UNC13A: variants seen among roughly 807,000 people sequenced by gnomAD.
UNC13A encodes unc-13 homolog A.
Under a neutral mutation model 219.7 loss-of-function variants are expected in UNC13A, and 61 were observed. That is an observed-to-expected ratio of 0.28 (90% CI 0.23 to 0.34). The LOEUF is 0.34. Ranked by LOEUF, UNC13A falls within the 10% of genes least tolerant of loss-of-function variation. The pLI, the probability that UNC13A is intolerant of heterozygous loss-of-function variation, is 1.00. For synonymous variants in UNC13A, 920 were observed against 884.6 expected, an observed-to-expected ratio of 1.04 and a Z score of -0.71; for missense variants, 1,476 against 2,270.3, an observed-to-expected ratio of 0.65 and a Z score of 7.11.
rs771628081 is a variant in UNC13A, at chr19:17,672,512, G to A, written c.153-17C>T. ...TTAATCTCGCTGCAGAAAAAGGAGA[G>A]GGGGCGTCGAGGGAGCAGGAGGGAG... is the stretch of plus-strand genomic sequence containing the variant. On this transcript the variant is annotated splice_polypyrimidine_tract_variant and intron_variant, in intron 3 of 43. Transcript: ENST00000519716. 11 of 1,609,894 alleles carry A rather than the reference G, an allele frequency of 6.8e-6. No homozygotes were observed. The highest frequency in any genetic ancestry group is 2.2e-5 in the East Asian group (1 of 44,860).
rs534844677 is a variant in UNC13A, at chr19:17,620,036, T to C, written c.4272+657A>G. Among the ~76,000 whole-genome samples, 6 of 152,338 alleles carry C rather than the reference T, an allele frequency of 3.9e-5. 1 individual carries two copies. In the East Asian group the frequency reaches 1.2e-3, roughly 29 times the overall value. ...TTGGTCTCAAAGTCACGGGCAATGC[T>C]AAGGGAGACGGGGTCCCAGCCTGGA... On this transcript the variant is annotated intron_variant, in intron 38 of 43. Coordinates refer to ENST00000519716, the MANE Select transcript of UNC13A (RefSeq NM_001080421.3).
chr19:17,610,505 C>T (rs1192497904), intron 42 of UNC13A, among the ~76,000 whole-genome samples: 1 of 152,074 alleles, frequency 6.6e-6, no homozygotes, highest in Non-Finnish European at 1.5e-5. Flanking sequence ...CCTCGCCCGC[C>T]GCCAAAAACC....
In UNC13A at chr19:17,627,476, C is replaced by T; in HGVS notation, c.3920+33G>A. Reference sequence around the variant, plus strand: ...CTTAGAGGGCTGAAGGCTGTTCCCTCCCCACTGCCCCCAGCCCTGGAGATG... The same window carrying T: ...CTTAGAGGGCTGAAGGCTGTTCCCTTCCCACTGCCCCCAGCCCTGGAGATG... On this transcript the variant is annotated intron_variant, in intron 33 of 43. Transcript: ENST00000519716. The surrounding 1 kb of genome is among the most constrained non-coding windows in gnomAD (Gnocchi z 4.7). The T allele has an allele frequency of 1.3e-6, 2 of 1,520,258 alleles. No homozygotes were observed. Among genetic ancestry groups the T allele is most frequent in the Non-Finnish European group, 1.8e-6 (2 of 1,118,228 alleles). The allele number at this position is 1,520,258 out of a possible 1,614,324, so 94.2% of individuals were successfully genotyped here. A position where few individuals can be genotyped will look rare whatever the true frequency, so the allele number is the denominator to read the frequency against.
intron 21 of UNC13A, 133 bp downstream of exon 21, chr19:17,641,260 A>C: frequency 8.8e-7 from 1 of 1,130,274 alleles, no homozygotes; most frequent in Non-Finnish European, 1.2e-6. Context: ...CTCCAGGGGA[A>C]TTACGGAACC....
At chr19:17,663,745 T>TGACA (rs2079593311) in intron 7 of UNC13A, among the ~76,000 whole-genome samples, 178 bp from the exon 8 acceptor site, 1 of 152,040 alleles carries the variant, frequency 6.6e-6, no homozygotes, top group Admixed American at 6.6e-5. Context: ...GTGTCTCTGC[T>TGACA]CTCCACCTTG....
In UNC13A at chr19:17,649,609, T is replaced by C. The variant is rs1276209701; in HGVS notation, c.1440-22A>G. 1.2e-6 allele frequency: 2 copies of C among 1,613,146 alleles called. No individual in the cohort carries two copies. The highest frequency in any genetic ancestry group is 2.2e-5 in the South Asian group (2 of 91,066). ...TGGGCTGAAAGACACAGAGGGACAC[T>C]GAGGGCCCAGATGTCCCTATTCCTC... is the stretch of plus-strand genomic sequence containing the variant. On this transcript the variant is annotated intron_variant, in intron 12 of 43. Coordinates refer to ENST00000519716, the MANE Select transcript of UNC13A (RefSeq NM_001080421.3). The surrounding 1 kb of genome is among the most constrained non-coding windows in gnomAD (Gnocchi z 4.4).
Position 17,623,562 on chromosome 19 carries a change from GGGGGC to G in UNC13A, c.4198-20_4198-16del. 7 of 1,436,684 alleles carry G rather than the reference GGGGGC, an allele frequency of 4.9e-6. No individual in the cohort carries two copies. Among genetic ancestry groups the G allele is most frequent in the Non-Finnish European group, 6.4e-6 (7 of 1,088,170 alleles). 89.0% of individuals were successfully genotyped at this position (1,436,684 alleles called of 1,614,324 possible). The stretch of plus-strand genomic sequence containing the variant: ...CTTACGATCATCTGTCATCCGTGAT[GGGGGC>G]GGGGCGGTGGGGGAGGGGGGAATAA... On this transcript the variant is annotated splice_polypyrimidine_tract_variant and intron_variant, in intron 35 of 43. Coordinates refer to ENST00000519716, the MANE Select transcript of UNC13A (RefSeq NM_001080421.3).
intron 12 of UNC13A, 33 bp downstream of exon 12, chr19:17,652,598 C>T (rs1568528097): frequency 1.9e-6 from 3 of 1,613,668 alleles, no homozygotes; most frequent in Non-Finnish European, 2.5e-6. Context: ...GGGTTCAAAT[C>T]TTCCTCCCAC....
chr19:17,655,388 G>T lies in UNC13A; in HGVS notation c.1284-6C>A, dbSNP rs149267617. On this transcript the variant is annotated splice_polypyrimidine_tract_variant and splice_region_variant and intron_variant, in intron 10 of 43. Transcript: ENST00000519716. ...CATCCTCTCTCGGCCTGAAACTGAGGCAGGGAACGCTATGAGGCTCTGGGC... is the reference window on the plus strand; with the variant it reads ...CATCCTCTCTCGGCCTGAAACTGAGTCAGGGAACGCTATGAGGCTCTGGGC... The T allele has an allele frequency of 7.3e-5, 115 of 1,567,016 alleles. No homozygotes were observed. In the African/African-American group the frequency reaches 1.5e-3, roughly 20 times the overall value.
In UNC13A at chr19:17,606,046, C is replaced by G. The variant is rs777828629; in HGVS notation, c.*8G>C. The G allele has an allele frequency of 4.0e-6, 6 of 1,510,250 alleles. No homozygotes were observed. The highest frequency in any genetic ancestry group is 5.3e-6 in the Non-Finnish European group (6 of 1,136,044). 93.6% of individuals were successfully genotyped at this position (1,510,250 alleles called of 1,614,324 possible). A position where few individuals can be genotyped will look rare whatever the true frequency, so the allele number is the denominator to read the frequency against. On this transcript the variant is annotated 3_prime_UTR_variant, in exon 44 of 44. Coordinates refer to ENST00000519716, the MANE Select transcript of UNC13A (RefSeq NM_001080421.3). ...GCAGGCGCAGTGCCGCTCGGCCGAC[C>G]GCCCGCGCTAAGGCGCAGGCGCGGC...
intron 1 of UNC13A, among the ~76,000 whole-genome samples, chr19:17,684,643 C>A (rs763834882): frequency 9.2e-5 from 14 of 152,214 alleles, no homozygotes; most frequent in Non-Finnish European, 1.5e-4. Flanking sequence ...ACAGGGTGGT[C>A]TGCTATGTGT....
In UNC13A at chr19:17,626,724, C is replaced by T. The variant is rs533316274; in HGVS notation, c.3982G>A (p.Gly1328Ser). 2.2e-5 allele frequency: 36 copies of T among 1,610,332 alleles called. No individual in the cohort carries two copies. The highest frequency in any genetic ancestry group is 2.8e-5 in the Non-Finnish European group (33 of 1,178,670). ...QMGDILSQVKGTGNVPASACS... is the reference protein window; with the variant it reads ...QMGDILSQVKSTGNVPASACS... The stretch of plus-strand genomic sequence containing the variant: ...GCACTGGCTGGCACATTGCCTGTGC[C>T]CTTAACCTGGCTAAGGATGTCACCC... Residue 1328 changes from glycine to serine, a missense_variant, in exon 34 of 44, where the codon GGC becomes AGC. Physicochemically the swap from Gly to Ser is moderately conservative, Grantham distance 56. Transcript: ENST00000519716.
chr19:17,606,215 A>G lies in UNC13A; in HGVS notation c.4951T>C (p.Cys1651Arg). The G allele has an allele frequency of 5.1e-6, 8 of 1,554,960 alleles. No homozygotes were observed. Among genetic ancestry groups the G allele is most frequent in the Non-Finnish European group, 7.0e-6 (8 of 1,150,970 alleles). Reference sequence around the variant, plus strand: ...ATGCGGCGGCCGAGCGGCAGCCAGCAGGCGGCGCTCCCGCGCTGGGCCAGC... The same window carrying G: ...ATGCGGCGGCCGAGCGGCAGCCAGCGGGCGGCGCTCCCGCGCTGGGCCAGC... ...RELAQRGSAA[C>R]WLPLGRRIHM... The change falls in exon 44 of 44, where the codon TGC becomes CGC. Residue 1651 changes from cysteine (C) to arginine (R), a missense_variant. Transcript: ENST00000519716.
intron 30 of UNC13A, 23 bp from the exon 31 acceptor site, chr19:17,629,346 G>A: frequency 6.3e-7 from 1 of 1,598,536 alleles, no homozygotes; most frequent in Non-Finnish European, 8.5e-7. Context: ...CAGAGTGTGG[G>A]TGAGAGGAGA....
chr19:17,667,020 G>A (rs2045509940), intron 6 of UNC13A, among the ~76,000 whole-genome samples: 1 of 152,136 alleles, frequency 6.6e-6, no homozygotes, highest in African/African-American at 2.4e-5. Flanking sequence ...TTGGGAGGCC[G>A]AAGCGGGCAG....
chr19:17,628,312 GTGTGCCCT>G, intron 31 of UNC13A: 1 of 255,928 alleles, frequency 3.9e-6, no homozygotes, highest in South Asian at 5.8e-5. Flanking sequence ...CACTGAAGGC[GTGTGCCCT>G]CACCCCGAGA....
At position 17,674,522 on chromosome 19, in the gene UNC13A, A is replaced by G. The variant is rs59908032; in HGVS notation, c.152+135T>C. 7.1e-3 allele frequency: 5,005 copies of G among 701,662 alleles called. 171 individuals carry two copies. The African/African-American group carries it at 0.076, about 11-fold the overall frequency. The allele number at this position is 701,662 out of a possible 1,614,324, so 43.5% of individuals were successfully genotyped here. A position where few individuals can be genotyped will look rare whatever the true frequency, so the allele number is the denominator to read the frequency against. On this transcript the variant is annotated intron_variant, in intron 3 of 43. Transcript: ENST00000519716. This position sits in a 1 kb window ranked among gnomAD's most constrained non-coding sequence, Gnocchi z 5.0. ...GGGATGTGTTTTGGAGGTGAAGGTGATAAGGTGGACAGGGGAAGAGGGAGG... is the reference window on the plus strand; with the variant it reads ...GGGATGTGTTTTGGAGGTGAAGGTGGTAAGGTGGACAGGGGAAGAGGGAGG...
chr19:17,619,260 TG>T (rs2076701677), intron 38 of UNC13A, among the ~76,000 whole-genome samples: 1 of 151,860 alleles, frequency 6.6e-6, no homozygotes, highest in African/African-American at 2.4e-5. Flanking sequence ...CCTCAGACGG[TG>T]GTGTTTGTGG....
chr19:17,667,436 C>T (rs67483025), intron 6 of UNC13A, among the ~76,000 whole-genome samples: 43,094 of 151,916 alleles, frequency 0.28, 6,632 homozygotes, highest in African/African-American at 0.37. Context: ...CACATGTATC[C>T]GCCAAATGAA....
Sources: allele counts gnomAD v4.1 joint callset (sites outside exome capture counted in the v4.1 genomes callset), GRCh38; gene constraint gnomAD v4.1.1; non-coding constraint Gnocchi (gnomAD v3.1); transcripts MANE v1.5; gene names NCBI Gene and HGNC (gene_info 2026-07-23, HGNC 2026-07-21).